SPON1: variants seen among roughly 807,000 people sequenced by gnomAD.
SPON1 encodes the protein spondin-1.
SPON1 carries 52 observed loss-of-function variants against 111.7 expected under a neutral mutation model. That is an observed-to-expected ratio of 0.47 (90% CI 0.37 to 0.59). The LOEUF (loss-of-function observed/expected upper bound fraction) is 0.59, where lower values mean the gene tolerates loss of function less well. Ranked by LOEUF, SPON1 falls within the 20% of genes least tolerant of loss-of-function variation. The pLI is 0.00. For missense variants in SPON1, 957 were observed against 1,068.5 expected (o/e 0.90, Z 1.46); for synonymous variants, 410 against 395.8 (o/e 1.04, Z -0.43).
chr11:14,141,572 A>G (rs1019445379), intron 6 of SPON1, among the ~76,000 whole-genome samples: 1 of 152,162 alleles, frequency 6.6e-6, no homozygotes, highest in Admixed American at 6.5e-5. Flanking sequence ...GTTTTGGAGG[A>G]TGACTTGAAC....
chr11:14,229,045 G>A (rs887007560), intron 6 of SPON1, among the ~76,000 whole-genome samples: 9 of 152,160 alleles, frequency 5.9e-5, no homozygotes, highest in African/African-American at 1.9e-4. Flanking sequence ...CCTCTGCTGG[G>A]AATTGCTGCA....
At chr11:14,192,781 G>A (rs1029252072) in intron 6 of SPON1, among the ~76,000 whole-genome samples, 1 of 150,842 alleles carries the variant, frequency 6.6e-6, no homozygotes, top group East Asian at 2.0e-4. Context: ...GGGACAGGAA[G>A]TTGTGCCCGG....
chr11:13,967,453 A>G (rs746361381), intron 1 of SPON1, among the ~76,000 whole-genome samples: 5 of 152,098 alleles, frequency 3.3e-5, no homozygotes, highest in Non-Finnish European at 7.4e-5. Context: ...ATTTAGAAAC[A>G]TGAAGAACCT....
chr11:14,046,274 C>G (rs1554917818), intron 3 of SPON1, among the ~76,000 whole-genome samples: 1 of 152,206 alleles, frequency 6.6e-6, no homozygotes, highest in East Asian at 1.9e-4. Flanking sequence ...ACTCCTTTCT[C>G]TAATTCCTTG....
At chr11:14,096,479 C>T (rs10832181) in intron 5 of SPON1, among the ~76,000 whole-genome samples, 43,506 of 152,100 alleles carry the variant, frequency 0.29, 7,084 homozygotes, top group East Asian at 0.56. Context: ...GTGGCTCTCT[C>T]GCCCTCTGCA....
intron 2 of SPON1, among the ~76,000 whole-genome samples, chr11:14,010,805 C>T (rs1848398791): frequency 6.6e-6 from 1 of 152,202 alleles, no homozygotes; most frequent in African/African-American, 2.4e-5. Flanking sequence ...TCCACCAAAC[C>T]ACACTATTTC....
chr11:14,032,936 A>G (rs1848569681), intron 2 of SPON1, among the ~76,000 whole-genome samples: 1 of 152,132 alleles, frequency 6.6e-6, no homozygotes, highest in South Asian at 2.1e-4. Context: ...CCCAGACCAG[A>G]AGCTGCTGTC....
intron 5 of SPON1, among the ~76,000 whole-genome samples, chr11:14,095,483 A>G (rs1849093445): frequency 6.6e-6 from 1 of 152,078 alleles, no homozygotes; most frequent in African/African-American, 2.4e-5. Flanking sequence ...GGCTCACATG[A>G]TTATGGAGGC....
chr11:14,221,530 G>T (rs1381439304), intron 6 of SPON1, among the ~76,000 whole-genome samples: 3 of 152,280 alleles, frequency 2.0e-5, no homozygotes, highest in South Asian at 2.1e-4. Flanking sequence ...TGATGAATGG[G>T]ATACACAGTC....
In SPON1 at chr11:14,129,174, GT is replaced by G. The variant is rs112336984; in HGVS notation, c.677-6236del. ...TCTCTTGAATTTCTCCCCAGAAAAT[GT>G]TTTTTTTTTCTTACCACATAGGCTG... On this transcript the variant is annotated intron_variant, in intron 5 of 15. Transcript: ENST00000576479. Among the ~76,000 whole-genome samples the G allele has an allele frequency of 2.7e-4, 41 of 149,794 alleles. No individual in the cohort carries two copies. In the South Asian group the frequency reaches 5.5e-3, roughly 20 times the overall value.
At chr11:14,014,490 T>C (rs1373998716) in intron 2 of SPON1, among the ~76,000 whole-genome samples, 1 of 152,208 alleles carries the variant, frequency 6.6e-6, no homozygotes, top group African/African-American at 2.4e-5. Context: ...CTATGGCAGG[T>C]TTCATCTTAT....
chr11:14,162,149 C>T (rs1204493395), intron 6 of SPON1, among the ~76,000 whole-genome samples: 2 of 123,982 alleles, frequency 1.6e-5, no homozygotes, highest in Non-Finnish European at 3.2e-5. Context: ...AAAAGCAAGA[C>T]TCTGTCTCAA....
intron 6 of SPON1, among the ~76,000 whole-genome samples, chr11:14,155,639 A>G (rs1231238934): frequency 6.6e-6 from 1 of 150,948 alleles, no homozygotes; most frequent in African/African-American, 2.4e-5. Flanking sequence ...TCCTAAAGCT[A>G]TCCCTCCCCA....
intron 6 of SPON1, among the ~76,000 whole-genome samples, chr11:14,237,391 C>G (rs538349584): frequency 2.6e-5 from 4 of 152,274 alleles, no homozygotes; most frequent in Admixed American, 6.5e-5. Flanking sequence ...CAGCTGTGCT[C>G]TCACTGCAAA....
intron 6 of SPON1, among the ~76,000 whole-genome samples, chr11:14,161,237 T>TTATATATTTA (rs200834992): frequency 1.9e-5 from 1 of 52,688 alleles, no homozygotes; most frequent in East Asian, 5.1e-4. Context: ...ATTTATATAT[T>TTATATATTTA]TATATATCTA....
At chr11:14,002,504 A>G (rs1216079970) in intron 2 of SPON1, among the ~76,000 whole-genome samples, 2 of 152,312 alleles carry the variant, frequency 1.3e-5, no homozygotes, top group Admixed American at 1.3e-4. Context: ...GCAGAGGGAA[A>G]GGACAGGGCT....
intron 7 of SPON1, among the ~76,000 whole-genome samples, chr11:14,253,416 G>T (rs1050264490): frequency 3.3e-5 from 5 of 152,240 alleles, no homozygotes; most frequent in African/African-American, 1.2e-4. Flanking sequence ...CCATTTTAAA[G>T]ATTTGGACAC....
At chr11:14,112,335 C>G (rs1554925542) in intron 5 of SPON1, among the ~76,000 whole-genome samples, 1 of 152,214 alleles carries the variant, frequency 6.6e-6, no homozygotes, top group East Asian at 1.9e-4. Flanking sequence ...AAGAGTTTAG[C>G]AACCCAGCAT....
At chr11:13,994,899 A>G (rs1554911608) in intron 2 of SPON1, among the ~76,000 whole-genome samples, 1 of 152,162 alleles carries the variant, frequency 6.6e-6, no homozygotes, top group Admixed American at 6.5e-5. Context: ...AGAGCCCACA[A>G]TATTCCCTTT....
Sources: gnomAD v4.1 joint callset for allele counts (sites outside exome capture counted in the v4.1 genomes callset) on GRCh38, gnomAD v4.1.1 for gene constraint, MANE v1.5 for transcripts, NCBI Gene and HGNC (gene_info 2026-07-23, HGNC 2026-07-21) for gene names.